Variants in CARD10 observed in about 807,000 individuals in gnomAD.
The protein encoded by CARD10 is caspase recruitment domain-containing protein 10.
In CARD10, 49 loss-of-function variants were observed where a neutral mutation model predicts 114.6. The observed-to-expected ratio is 0.43, with a 90% CI of 0.34 to 0.54. CARD10 has a LOEUF of 0.54. Ranked by LOEUF, CARD10 falls within the 20% of genes least tolerant of loss-of-function variation. The pLI is 0.03. For synonymous variants in CARD10, 602 were observed against 593.2 expected (o/e 1.01, Z -0.21); for missense variants, 1,206 against 1,397.2 (o/e 0.86, Z 2.18).
intron 3 of CARD10, among the ~76,000 whole-genome samples, chr22:37,512,854 T>C (rs1601818780): frequency 1.3e-5 from 2 of 152,156 alleles, no homozygotes; most frequent in East Asian, 1.9e-4. Flanking sequence ...CACAAAATTA[T>C]AGCGTTCGTT....
At chr22:37,503,051 G>T in intron 10 of CARD10, 134 bp downstream of exon 10, 1 of 1,007,292 alleles carries the variant, frequency 9.9e-7, no homozygotes, top group South Asian at 1.5e-5. Context: ...TTCCTGCCTG[G>T]CAGGGGCCAC....
In CARD10 at chr22:37,508,068, T is replaced by C. The variant is rs1923476014; in HGVS notation, c.1066-114A>G. The C allele has an allele frequency of 3.1e-6, 4 of 1,292,732 alleles. No individual in the cohort carries two copies. The South Asian group carries it at 4.0e-5, about 13-fold the overall frequency. The allele number at this position is 1,292,732 out of a possible 1,614,324, so 80.1% of individuals were successfully genotyped here. A position where few individuals can be genotyped will look rare whatever the true frequency, so the allele number is the denominator to read the frequency against. On this transcript the variant is annotated intron_variant, in intron 5 of 19. Transcript: ENST00000251973. The stretch of plus-strand genomic sequence containing the variant: ...CGCTCACCAACAGTCTGAGACCCAA[T>C]AACAAGTCCCCTCCTGCCCAGTGGA...
rs755069751 is a variant in CARD10, at chr22:37,502,620, C to T, written c.1769G>A (p.Gly590Asp). 4 of 1,613,866 alleles carry T rather than the reference C, an allele frequency of 2.5e-6. No individual in the cohort carries two copies. Among genetic ancestry groups the T allele is most frequent in the Non-Finnish European group, 3.4e-6 (4 of 1,179,930 alleles). Reference protein sequence around the residue: ...KPEGLLARGCGLDFLNRSLAI... With the variant: ...KPEGLLARGCDLDFLNRSLAI... The stretch of plus-strand genomic sequence containing the variant: ...ACAGTACCTGTTGAGGAAGTCCAGG[C>T]CACAGCCCCGAGCCAGGAGGCCTTC... Residue 590 changes from glycine (G) to aspartate (D), a missense_variant, in exon 11 of 20, where the codon GGC becomes GAC. Around this residue, in one of 2 missense-constraint regions of CARD10, gnomAD observed 1,068 missense variants for 1,179.1 expected, o/e 0.91. Transcript: ENST00000251973.
intron 4 of CARD10, chr22:37,509,299 A>G (rs1923528505): frequency 1.7e-6 from 1 of 586,152 alleles, no homozygotes; most frequent in African/African-American, 1.9e-5. Context: ...CCCTCTACAA[A>G]TCAAATTAAA....
In CARD10 at chr22:37,506,175, A is replaced by C; in HGVS notation, c.1383+17T>G. ...CCAGCCTTCCTGCCAGGACCTCCACAATCTTGACCCGCTCACCTTGAGGCA... is the reference window on the plus strand; with the variant it reads ...CCAGCCTTCCTGCCAGGACCTCCACCATCTTGACCCGCTCACCTTGAGGCA... On this transcript the variant is annotated intron_variant, in intron 7 of 19. Coordinates refer to ENST00000251973, the MANE Select transcript of CARD10 (RefSeq NM_014550.4). The C allele has an allele frequency of 6.8e-7, 1 of 1,476,278 alleles. No individual in the cohort carries two copies. Among genetic ancestry groups the C allele is most frequent in the Non-Finnish European group, 9.1e-7 (1 of 1,104,568 alleles). 91.4% of individuals were successfully genotyped at this position (1,476,278 alleles called of 1,614,324 possible).
At chr22:37,513,883 G>T (rs929542620) in intron 3 of CARD10, among the ~76,000 whole-genome samples, 12 of 152,066 alleles carry the variant, frequency 7.9e-5, no homozygotes, top group African/African-American at 2.7e-4. Flanking sequence ...CAGATCGCCT[G>T]AGGTCAGGAG....
intron 2 of CARD10, 98 bp from the exon 3 acceptor site, chr22:37,516,396 G>T (rs928680148): frequency 2.4e-6 from 2 of 839,446 alleles, no homozygotes; most frequent in Non-Finnish European, 3.5e-6. Context: ...AAAAACACTA[G>T]AGGGAAATTC....
At chr22:37,518,156 C>G in intron 1 of CARD10, 48 bp from the exon 2 acceptor site, 1 of 1,589,060 alleles carries the variant, frequency 6.3e-7, no homozygotes, top group Non-Finnish European at 8.6e-7. Context: ...GAAGGCCTCC[C>G]CAGGTGCCTG....
At chr22:37,497,367 A>C in intron 11 of CARD10, 189 bp from the exon 12 acceptor site, 26 of 632,138 alleles carry the variant, frequency 4.1e-5, no homozygotes, top group East Asian at 5.7e-5. Context: ...TTCAAATCTC[A>C]AGTCACAAGC....
intron 3 of CARD10, among the ~76,000 whole-genome samples, chr22:37,511,375 AAAG>A (rs1252024837): frequency 2.6e-5 from 3 of 117,240 alleles, no homozygotes; most frequent in Non-Finnish European, 5.4e-5. Context: ...AAAAAAAAAA[AAAG>A]AAGAAGAAGG....
At position 37,496,110 on chromosome 22, in the gene CARD10, TC is replaced by T; in HGVS notation, c.2060-108del. On this transcript the variant is annotated intron_variant, in intron 13 of 19. Transcript: ENST00000251973. This position sits in a 1 kb window ranked among gnomAD's most constrained non-coding sequence, Gnocchi z 4.1. Reference sequence around the variant, plus strand: ...GACATGGCCCTCTCGAGGCCTGAGTTCCCAGGACCCGACCTTCACCTTCTTA... The same window carrying T: ...GACATGGCCCTCTCGAGGCCTGAGTTCCAGGACCCGACCTTCACCTTCTTA... 1 of 1,411,472 alleles carries T rather than the reference TC, an allele frequency of 7.1e-7. No individual in the cohort carries two copies. Among genetic ancestry groups the T allele is most frequent in the Middle Eastern group, 2.3e-4 (1 of 4,402 alleles). 87.4% of individuals were successfully genotyped at this position (1,411,472 alleles called of 1,614,324 possible). A position where few individuals can be genotyped will look rare whatever the true frequency, so the allele number is the denominator to read the frequency against.
chr22:37,510,319 TCTC>T lies in CARD10; in HGVS notation c.799_801del (p.Glu267del), dbSNP rs753838877. 6.2e-7 allele frequency: 1 copy of T among 1,609,794 alleles called. No homozygotes were observed. The highest frequency in any genetic ancestry group is 1.1e-5 in the South Asian group (1 of 91,014). On this transcript the variant is annotated inframe_deletion, in exon 4 of 20. Transcript: ENST00000251973. ...TTGTCTGGCTCCTTCTCCTTCTCCT[TCTC>T]CTTCTCCTTCTCCTCTGCCCCAGGG...
chr22:37,493,699 G>A (rs1438654899), intron 16 of CARD10, among the ~76,000 whole-genome samples: 4 of 152,002 alleles, frequency 2.6e-5, no homozygotes, highest in Non-Finnish European at 5.9e-5. Context: ...AGCTCCCCCA[G>A]CCCCTTCTAC....
chr22:37,502,820 G>A, intron 10 of CARD10, 95 bp from the exon 11 acceptor site: 1 of 1,445,310 alleles, frequency 6.9e-7, no homozygotes, highest in Non-Finnish European at 9.2e-7. Flanking sequence ...GCCCAGAGAG[G>A]CCTTGGCAGG....
At position 37,510,379 on chromosome 22, in the gene CARD10, A is replaced by G. The variant is rs200045052; in HGVS notation, c.742T>C (p.Cys248Arg). 1 of 1,612,584 alleles carries G rather than the reference A, an allele frequency of 6.2e-7. No homozygotes were observed. The highest frequency in any genetic ancestry group is 2.2e-5 in the East Asian group (1 of 44,818). Residue 248 changes from cysteine (C) to arginine (R), a missense_variant, in exon 4 of 20, where the codon TGT becomes CGT. By Grantham distance (180) the Cys-to-Arg change is radical. Coordinates refer to ENST00000251973, the MANE Select transcript of CARD10 (RefSeq NM_014550.4). ...CCCCTGGCCCTTCGAAGCAGTGCAC[A>G]CTCTTCCTCCAGCCGACTCACTTTG... ...KLKVSRLEEE[C>R]ALLRRARGPP...
intron 3 of CARD10, among the ~76,000 whole-genome samples, chr22:37,512,433 A>C (rs1400315689): frequency 7.0e-6 from 1 of 142,186 alleles, no homozygotes; most frequent in Non-Finnish European, 1.5e-5. Flanking sequence ...CTAGTTCCCC[A>C]GCCTTGAGAG....
chr22:37,518,074 C>T lies in CARD10; in HGVS notation c.270G>A (p.Lys90=). The T allele has an allele frequency of 6.2e-7, 1 of 1,614,010 alleles. No homozygotes were observed. The highest frequency in any genetic ancestry group is 2.2e-5 in the East Asian group (1 of 44,886). The stretch of plus-strand genomic sequence containing the variant: ...CTTCCAGGAAGGCCTCATAGCCCCT[C>T]TTGCCACGGCAGCGCAAGATGTCCA... The part of the protein sequence containing the change: ...RLMDILRCRG[K]RGYEAFLEAL... The change falls in exon 2 of 20, where the codon AAG becomes AAA. Residue 90 remains lysine (K), a synonymous_variant. Coordinates refer to ENST00000251973, the MANE Select transcript of CARD10 (RefSeq NM_014550.4).
In CARD10 at chr22:37,518,118, A is replaced by G; in HGVS notation, c.236-10T>C. ...ATGTCCATCAGGCGCCCTACAGAGT[A>G]GTGGGGGGATGTACCCAGGGTCTAG... On this transcript the variant is annotated splice_polypyrimidine_tract_variant and intron_variant, in intron 1 of 19. Coordinates refer to ENST00000251973, the MANE Select transcript of CARD10 (RefSeq NM_014550.4). The G allele has an allele frequency of 6.2e-7, 1 of 1,612,608 alleles. No homozygotes were observed. Among genetic ancestry groups the G allele is most frequent in the Non-Finnish European group, 8.5e-7 (1 of 1,179,096 alleles).
At chr22:37,503,976 C>A in intron 9 of CARD10, 2 of 704,264 alleles carry the variant, frequency 2.8e-6, no homozygotes, top group African/African-American at 1.8e-5. Context: ...GGACTGAGTT[C>A]GCTCTGCCCA....
Sources: gnomAD v4.1 joint callset for allele counts (sites outside exome capture counted in the v4.1 genomes callset) on GRCh38, gnomAD v4.1.1 for gene constraint, gnomAD v4.1.1 regional missense constraint, Gnocchi (gnomAD v3.1) non-coding constraint, MANE v1.5 for transcripts, NCBI Gene and HGNC (gene_info 2026-07-23, HGNC 2026-07-21) for gene names.